The following C8orf89 variants were observed in gnomAD, a reference collection of about 807,000 sequenced individuals.
C8orf89 encodes the protein putative uncharacterized protein C8orf89.
C8orf89 carries 14 observed loss-of-function variants against 15.8 expected under a neutral mutation model. That is an observed-to-expected ratio of 0.89 (90% CI 0.59 to 1.39). C8orf89 has a LOEUF of 1.39. C8orf89 is among the 40% of genes most tolerant of loss of function. The pLI is 0.00. For missense variants in C8orf89, 181 were observed against 184.5 expected, an observed-to-expected ratio of 0.98 and a Z score of 0.11; for synonymous variants, 55 against 62.2, an observed-to-expected ratio of 0.88 and a Z score of 0.54.
At chr8:73,249,643 T>C (rs2130259009) in intron 3 of C8orf89, among the ~76,000 whole-genome samples, 1 of 152,272 alleles carries the variant, frequency 6.6e-6, no homozygotes, top group East Asian at 1.9e-4. Context: ...GGATGAATCA[T>C]TTGATAGACT....
the C8orf89 span, among the ~76,000 whole-genome samples, chr8:73,278,815 ATGAG>A: frequency 4.6e-5 from 7 of 152,236 alleles, no homozygotes; most frequent in Non-Finnish European, 7.3e-5. Context: ...AAGTGAGTTA[ATGAG>A]TGTGTTCAGT....
At chr8:73,284,852 T>G in the C8orf89 span, among the ~76,000 whole-genome samples, 1 of 152,222 alleles carries the variant, frequency 6.6e-6, no homozygotes, top group East Asian at 1.9e-4. Flanking sequence ...AGAATTCTTG[T>G]GCTTTAGGGA....
intron 3 of C8orf89, among the ~76,000 whole-genome samples, chr8:73,248,887 C>G (rs1813186149): frequency 6.6e-6 from 1 of 152,150 alleles, no homozygotes; most frequent in Non-Finnish European, 1.5e-5. Flanking sequence ...CATCTACAAA[C>G]AGTGATAGGT....
At chr8:73,244,551 T>C (rs1010705657) in intron 3 of C8orf89, among the ~76,000 whole-genome samples, 2 of 152,238 alleles carry the variant, frequency 1.3e-5, no homozygotes, top group Non-Finnish European at 2.9e-5. Context: ...CTGACCTATA[T>C]TGCTTTAAAA....
rs1278415473 is a variant in C8orf89 at position 73,257,129 on chromosome 8, G to A, written c.128-3C>T. On this transcript the variant is annotated splice_region_variant and splice_polypyrimidine_tract_variant and intron_variant, in intron 1 of 3. Transcript: ENST00000624510. ...TAGACCAAATGCTGTGGTATATTCT[G>A]GTTAAAAATATATAAGAATCATCTT... is the stretch of plus-strand genomic sequence containing the variant. 24 of 1,511,400 alleles carry A rather than the reference G, an allele frequency of 1.6e-5. No homozygotes were observed. The highest frequency in any genetic ancestry group is 2.0e-5 in the Non-Finnish European group (23 of 1,131,958). 93.6% of individuals were successfully genotyped at this position (1,511,400 alleles called of 1,614,324 possible).
At chr8:73,251,348 C>G (rs1403927607) in intron 2 of C8orf89, among the ~76,000 whole-genome samples, 1 of 152,194 alleles carries the variant, frequency 6.6e-6, no homozygotes, top group Non-Finnish European at 1.5e-5. Flanking sequence ...CAAAACCGCT[C>G]CTTCACAGGC....
intron 3 of C8orf89, among the ~76,000 whole-genome samples, chr8:73,245,945 G>A (rs1813113110): frequency 6.6e-6 from 1 of 152,106 alleles, no homozygotes; most frequent in Non-Finnish European, 1.5e-5. Flanking sequence ...AACAGAAAGA[G>A]AAAGAATAGT....
the C8orf89 span, among the ~76,000 whole-genome samples, chr8:73,283,217 T>C: frequency 6.6e-6 from 1 of 152,176 alleles, no homozygotes; most frequent in Non-Finnish European, 1.5e-5. Flanking sequence ...ACCAGCATCA[T>C]AGGAAGCATT....
chr8:73,248,896 G>A (rs949286614), intron 3 of C8orf89, among the ~76,000 whole-genome samples: 3 of 152,074 alleles, frequency 2.0e-5, no homozygotes, highest in African/African-American at 7.2e-5. Flanking sequence ...ACAGTGATAG[G>A]TTCACTTTCT....
At chr8:73,268,208 G>A in the C8orf89 span, among the ~76,000 whole-genome samples, 4 of 152,102 alleles carry the variant, frequency 2.6e-5, no homozygotes, top group African/African-American at 7.2e-5. Context: ...GGCTGGGCGC[G>A]GTGCCTCATG....
At chr8:73,253,000 G>T (rs1380399738) in intron 2 of C8orf89, among the ~76,000 whole-genome samples, 1 of 152,116 alleles carries the variant, frequency 6.6e-6, no homozygotes, top group Non-Finnish European at 1.5e-5. Context: ...AAAGTTAGCC[G>T]GGCGTGGTGG....
At chr8:73,259,258 G>T in intron 1 of C8orf89, 74 bp downstream of exon 1, 1 of 996,304 alleles carries the variant, frequency 1.0e-6, no homozygotes, top group Non-Finnish European at 1.4e-6. Flanking sequence ...TCCCTTGCCT[G>T]ATGAAAAAAA....
intron 2 of C8orf89, among the ~76,000 whole-genome samples, chr8:73,255,656 A>G (rs1159999449): frequency 6.7e-6 from 1 of 149,492 alleles, no homozygotes; most frequent in African/African-American, 2.5e-5. Flanking sequence ...AGACACATGC[A>G]CACGTATGTT....
At chr8:73,278,650 A>T in the C8orf89 span, among the ~76,000 whole-genome samples, 1 of 152,242 alleles carries the variant, frequency 6.6e-6, no homozygotes, top group Non-Finnish European at 1.5e-5. Flanking sequence ...TCCATAGTCT[A>T]CATGTTTTGA....
At chr8:73,259,266 A>C in intron 1 of C8orf89, 66 bp downstream of exon 1, 2 of 1,093,804 alleles carry the variant, frequency 1.8e-6, no homozygotes, top group Non-Finnish European at 2.5e-6. Flanking sequence ...CTGATGAAAA[A>C]AATACATGGA....
the C8orf89 span, among the ~76,000 whole-genome samples, chr8:73,284,882 C>T: frequency 5.2e-4 from 79 of 152,238 alleles, no homozygotes; most frequent in Admixed American, 2.4e-3. Context: ...CCTAAAAGTG[C>T]TCACAAAATT....
chr8:73,275,187 A>T, the C8orf89 span, among the ~76,000 whole-genome samples: 1 of 149,556 alleles, frequency 6.7e-6, no homozygotes, highest in Non-Finnish European at 1.5e-5. Context: ...CTGTATTCCC[A>T]TAATTTTTGT....
chr8:73,252,061 A>G (rs915617645), intron 2 of C8orf89, among the ~76,000 whole-genome samples: 1 of 151,722 alleles, frequency 6.6e-6, no homozygotes, highest in African/African-American at 2.4e-5. Context: ...TCTGGTAGCA[A>G]CTCTCTCTCT....
the C8orf89 span, among the ~76,000 whole-genome samples, chr8:73,269,396 C>A: frequency 1.3e-5 from 2 of 152,136 alleles, no homozygotes; most frequent in African/African-American, 4.8e-5. Context: ...CTCAGTTAAC[C>A]ACCACTGTCA....
Sources: allele counts gnomAD v4.1 joint callset (sites outside exome capture counted in the v4.1 genomes callset), GRCh38; gene constraint gnomAD v4.1.1; transcripts MANE v1.5; gene names NCBI Gene and HGNC (gene_info 2026-07-23, HGNC 2026-07-21).